SLC12A9: variants seen among roughly 807,000 people sequenced by gnomAD.
SLC12A9 encodes the protein CCC-interacting protein 1.
In SLC12A9, 55 loss-of-function variants were observed where a neutral mutation model predicts 66.0. The ratio of observed to expected loss-of-function variants is 0.83; its 90% CI spans 0.67 to 1.04. The LOEUF (loss-of-function observed/expected upper bound fraction) is 1.04. Among genes scored for constraint, SLC12A9 ranks in the 50% least tolerant of loss-of-function variants. SLC12A9 has a pLI of 0.00. For synonymous variants in SLC12A9, 577 were observed against 569.0 expected (o/e 1.01, Z -0.20); for missense variants, 1,061 against 1,241.9 (o/e 0.85, Z 2.19).
chr7:100,862,970 T>C, intron 13 of SLC12A9, 143 bp downstream of exon 13: 7 of 1,003,136 alleles, frequency 7.0e-6, no homozygotes, highest in East Asian at 2.6e-5. Context: ...TGCTCAAAGA[T>C]AATAGCCTCA....
chr7:100,843,254 T>C (rs376531687), intron 1 of SLC12A9, among the ~76,000 whole-genome samples: 2 of 152,224 alleles, frequency 1.3e-5, no homozygotes, highest in East Asian at 3.8e-4. Context: ...TTATGGGTCT[T>C]TTGACTCTCA....
At chr7:100,837,755 C>A (rs940612024) in intron 1 of SLC12A9, among the ~76,000 whole-genome samples, 6 of 152,164 alleles carry the variant, frequency 3.9e-5, no homozygotes, top group Non-Finnish European at 5.9e-5. Context: ...AACTCTTGAC[C>A]TCAAGTGATC....
chr7:100,856,949 T>G lies in SLC12A9; in HGVS notation c.530T>G (p.Leu177Arg). Residue 177 changes from leucine (L) to arginine (R), a missense_variant, in exon 5 of 14, where the codon CTT (leucine) becomes CGT (arginine). Leu to Arg is a moderately radical substitution (Grantham distance 102, BLOSUM62 -2). Transcript: ENST00000354161. ...NLLYGSLLLG[L>R]VGGVCTLGAG... Reference sequence around the variant, plus strand: ...CTGTATGGCTCCCTGCTGCTGGGCCTTGTGGGTGGGGTCTGCACCCTGGGA... The same window carrying G: ...CTGTATGGCTCCCTGCTGCTGGGCCGTGTGGGTGGGGTCTGCACCCTGGGA... The G allele has an allele frequency of 6.2e-7, 1 of 1,613,428 alleles. No homozygotes were observed. Among genetic ancestry groups the G allele is most frequent in the Non-Finnish European group, 8.5e-7 (1 of 1,180,010 alleles).
chr7:100,852,602 G>A (rs76367760), upstream of SLC12A9: 3,928 of 152,516 alleles, frequency 0.026, 59 homozygotes, highest in South Asian at 0.05. Context: ...GGCGCACGTG[G>A]AGCTGGAGCA....
chr7:100,839,603 T>C (rs1374000025), intron 1 of SLC12A9, among the ~76,000 whole-genome samples: 1 of 152,222 alleles, frequency 6.6e-6, no homozygotes, highest in African/African-American at 2.4e-5. Context: ...GAGTGCTCCC[T>C]GGTAGGCATT....
intron 1 of SLC12A9, among the ~76,000 whole-genome samples, chr7:100,835,793 G>T (rs559521344): frequency 1.3e-5 from 2 of 152,376 alleles, no homozygotes; most frequent in Admixed American, 1.3e-4. Context: ...TGTTGGAATA[G>T]CAAGAGGCTG....
rs1327124804 is a variant in SLC12A9 at position 100,859,057 on chromosome 7, G to A, written c.873G>A (p.Leu291=). 1.2e-6 allele frequency: 2 copies of A among 1,613,490 alleles called. No homozygotes were observed. The highest frequency in any genetic ancestry group is 4.5e-5 in the East Asian group (2 of 44,876). ...TCTGCTCCCCCTCTCCAGGGGAGCT[G>A]AAGGACCCCAGCCGGGCGATCCCTC... ...IMAGANMSGE[L]KDPSRAIPLG... Residue 291 remains leucine (L), a synonymous_variant, in exon 7 of 14, where the codon CTG becomes CTA. Coordinates refer to ENST00000354161, the MANE Select transcript of SLC12A9 (RefSeq NM_020246.4).
chr7:100,850,793 C>G (rs1387612070), upstream of SLC12A9, among the ~76,000 whole-genome samples: 1 of 151,180 alleles, frequency 6.6e-6, no homozygotes, highest in Admixed American at 6.6e-5. Context: ...GATCTCAGCT[C>G]ACCACAACCT....
chr7:100,837,607 T>G (rs1813688162), intron 1 of SLC12A9: 1 of 152,246 alleles, frequency 6.6e-6, no homozygotes, highest in African/African-American at 2.4e-5. Context: ...GTTTGGTTAT[T>G]CCAGGCGCAG....
At chr7:100,834,525 G>A (rs1344864107) in intron 1 of SLC12A9, among the ~76,000 whole-genome samples, 1 of 152,176 alleles carries the variant, frequency 6.6e-6, no homozygotes, top group South Asian at 2.1e-4. Flanking sequence ...CCAGATAGGC[G>A]TGTATGTGTG....
upstream of SLC12A9, among the ~76,000 whole-genome samples, chr7:100,849,716 A>AC (rs1308772965): frequency 6.8e-6 from 1 of 146,268 alleles, no homozygotes; most frequent in African/African-American, 2.5e-5. Flanking sequence ...ACTCTGTCTA[A>AC]AAAAAAAAAA....
At chr7:100,849,438 G>A (rs1050294259), upstream of SLC12A9, among the ~76,000 whole-genome samples, 1 of 151,690 alleles carries the variant, frequency 6.6e-6, no homozygotes, top group Non-Finnish European at 1.5e-5. Context: ...GACCCAGGGC[G>A]GGTGCGGTGG....
chr7:100,843,852 C>T (rs1336594966), intron 1 of SLC12A9, among the ~76,000 whole-genome samples: 1 of 152,194 alleles, frequency 6.6e-6, no homozygotes, highest in Non-Finnish European at 1.5e-5. Context: ...TATCAGAAAG[C>T]CCAGTTGAAC....
At chr7:100,849,323 C>G (rs1253830459), upstream of SLC12A9, among the ~76,000 whole-genome samples, 1 of 152,118 alleles carries the variant, frequency 6.6e-6, no homozygotes, top group Non-Finnish European at 1.5e-5. Context: ...CAGCTCACTG[C>G]ACCCTCAACC....
At chr7:100,844,374 G>A (rs1334686706) in intron 1 of SLC12A9, among the ~76,000 whole-genome samples, 1 of 152,088 alleles carries the variant, frequency 6.6e-6, no homozygotes, top group Admixed American at 6.6e-5. Flanking sequence ...AAGACTGGTG[G>A]GGGCTCACAA....
intron 1 of SLC12A9, among the ~76,000 whole-genome samples, chr7:100,833,602 T>TCGAGACAA (rs1813586214): frequency 1.3e-5 from 2 of 148,884 alleles, no homozygotes; most frequent in Admixed American, 1.3e-4. Flanking sequence ...AGCCCAGGAG[T>TCGAGACAA]TCCAGGCCAG....
In SLC12A9 at chr7:100,829,914, G is replaced by C. The variant is rs1270411327; in HGVS notation, n.228+2867G>C. Among the ~76,000 whole-genome samples, 7 of 151,996 alleles carry C rather than the reference G, an allele frequency of 4.6e-5. No homozygotes were observed. The East Asian group carries it at 1.2e-3, about 25-fold the overall frequency. ...ATCATGGCACACACCTGTAGTCCCAGCTACTAGGGAGGCTGAGGCACGAGA... is the reference window on the plus strand; with the variant it reads ...ATCATGGCACACACCTGTAGTCCCACCTACTAGGGAGGCTGAGGCACGAGA... On this transcript the variant is annotated intron_variant and non_coding_transcript_variant, in intron 1 of 1. Transcript: ENST00000461016.
rs200745028 is a variant in SLC12A9 at position 100,860,151 on chromosome 7, C to T, written c.1137C>T (p.Gly379=). ...LHALARDDLF[G]VILAPAKVVS... Reference sequence around the variant, plus strand: ...CTGCTGTGGATTCTGTTTTTCTAGGCGTGATCTTGGCACCGGCCAAGGTTG... The same window carrying T: ...CTGCTGTGGATTCTGTTTTTCTAGGTGTGATCTTGGCACCGGCCAAGGTTG... The change falls in exon 9 of 14, where the codon GGC becomes GGT. Residue 379 remains glycine (G), a splice_region_variant and synonymous_variant. Coordinates refer to ENST00000354161, the MANE Select transcript of SLC12A9 (RefSeq NM_020246.4). The T allele has an allele frequency of 4.6e-5, 74 of 1,614,060 alleles. No homozygotes were observed. The highest frequency in any genetic ancestry group is 1.6e-4 in the Middle Eastern group (1 of 6,084).
chr7:100,845,380 T>C (rs1179639511), intron 1 of SLC12A9, among the ~76,000 whole-genome samples: 3 of 151,670 alleles, frequency 2.0e-5, no homozygotes, highest in Non-Finnish European at 2.9e-5. Context: ...GACGGAGTCT[T>C]GCTCTGTCGC....
Sources: gnomAD v4.1 joint callset for allele counts (sites outside exome capture counted in the v4.1 genomes callset) on GRCh38, gnomAD v4.1.1 for gene constraint, MANE v1.5 for transcripts, NCBI Gene and HGNC (gene_info 2026-07-23, HGNC 2026-07-21) for gene names.